SNAPC3: variants seen among roughly 807,000 people sequenced by gnomAD.
The protein encoded by SNAPC3 is small nuclear RNA activating complex polypeptide 3.
SNAPC3 carries 56 observed loss-of-function variants against 47.7 expected under a neutral mutation model. The ratio of observed to expected loss-of-function variants is 1.18; its 90% CI spans 0.95 to 1.47. The LOEUF (loss-of-function observed/expected upper bound fraction) is 1.47. Among genes scored for constraint, SNAPC3 ranks in the 40% most tolerant of loss-of-function variants. SNAPC3 has a pLI of 0.00. For synonymous variants in SNAPC3, 235 were observed against 189.9 expected, an observed-to-expected ratio of 1.24 and a Z score of -1.95; for missense variants, 665 against 511.3, an observed-to-expected ratio of 1.30 and a Z score of -2.90.
intron 2 of SNAPC3, among the ~76,000 whole-genome samples, chr9:15,426,296 T>A (rs1442111006): frequency 6.6e-6 from 1 of 152,174 alleles, no homozygotes; most frequent in Non-Finnish European, 1.5e-5. Flanking sequence ...CTTGTTGACT[T>A]CTACTCATCC....
At chr9:15,456,934 T>A (rs2034842627) in intron 7 of SNAPC3, among the ~76,000 whole-genome samples, 2 of 152,228 alleles carry the variant, frequency 1.3e-5, no homozygotes, top group African/African-American at 4.8e-5. Context: ...GTGAAAGTTT[T>A]AATTTTAAAA....
chr9:15,456,108 A>G (rs2034772158), intron 7 of SNAPC3, among the ~76,000 whole-genome samples: 1 of 152,164 alleles, frequency 6.6e-6, no homozygotes, highest in South Asian at 2.1e-4. Context: ...TCCCGACCTC[A>G]GGTGATCCGC....
In SNAPC3 at chr9:15,447,097, C is replaced by T. The variant is rs184190195; in HGVS notation, c.585C>T (p.His195=). ...NILYPVIFHK[H]KEHKPYQTML... is the part of the protein sequence containing the mutation. ...CTTATTTATTCTTTGACTTTTAGCA[C>T]AAAGAACACAAACCATACCAAACAA... is the stretch of plus-strand genomic sequence containing the variant. Residue 195 remains histidine, a splice_region_variant and synonymous_variant, in exon 5 of 9, where the codon CAC becomes CAT. Transcript: ENST00000380821. The T allele has an allele frequency of 1.2e-6, 2 of 1,613,686 alleles. No homozygotes were observed. Among genetic ancestry groups the T allele is most frequent in the Non-Finnish European group, 1.7e-6 (2 of 1,179,688 alleles).
At chr9:15,430,273 A>G (rs1194908955) in intron 2 of SNAPC3, among the ~76,000 whole-genome samples, 3 of 152,178 alleles carry the variant, frequency 2.0e-5, no homozygotes, top group African/African-American at 4.8e-5. Flanking sequence ...TCTACAAAAA[A>G]TAAAAACAAT....
At chr9:15,447,070 CACTT>C (rs1563849681) in intron 4 of SNAPC3, 21 bp from the exon 5 acceptor site, 1 of 1,603,322 alleles carries the variant, frequency 6.2e-7, no homozygotes, top group Admixed American at 1.7e-5. Flanking sequence ...TCTAAATGAA[CACTT>C]ATTTATTCTT....
intron 6 of SNAPC3, 101 bp downstream of exon 6, chr9:15,451,503 C>T (rs62570991): frequency 0.043 from 21,226 of 498,590 alleles, 528 homozygotes; most frequent in South Asian, 0.065. Flanking sequence ...GGACCTTTGC[C>T]AAGGAATTAT....
In SNAPC3 at chr9:15,423,041, T is replaced by A. The variant is rs1177215826; in HGVS notation, c.162T>A (p.Arg54=). 5 of 1,518,878 alleles carry A rather than the reference T, an allele frequency of 3.3e-6. No homozygotes were observed. The allele number at this position is 1,518,878 out of a possible 1,614,324, so 94.1% of individuals were successfully genotyped here. Residue 54 remains arginine, a synonymous_variant, in exon 1 of 9, where the codon CGT becomes CGA. Coordinates refer to ENST00000380821, the MANE Select transcript of SNAPC3 (RefSeq NM_001039697.2). ...CCTTTGGGGAGCTGTGGCGGGGCCGTCTGCGCGGGGCCGGGGACTTGTCGC... is the reference window on the plus strand; with the variant it reads ...CCTTTGGGGAGCTGTGGCGGGGCCGACTGCGCGGGGCCGGGGACTTGTCGC... The part of the protein sequence containing the change: ...VGAFGELWRG[R]LRGAGDLSLR...
chr9:15,424,544 CACAA>C (rs906198694), intron 2 of SNAPC3, among the ~76,000 whole-genome samples: 46 of 140,958 alleles, frequency 3.3e-4, no homozygotes, highest in African/African-American at 1.4e-3. Context: ...AAAAGACAAA[CACAA>C]TATAAGTTCA....
Position 15,460,104 on chromosome 9 carries a change from G to T in SNAPC3, c.*238G>T. The T allele has an allele frequency of 3.1e-6, 1 of 324,648 alleles. No homozygotes were observed. The highest frequency in any genetic ancestry group is 5.5e-6 in the Non-Finnish European group (1 of 180,998). 20.1% of individuals were successfully genotyped at this position (324,648 alleles called of 1,614,324 possible). A position where few individuals can be genotyped will look rare whatever the true frequency, so the allele number is the denominator to read the frequency against. On this transcript the variant is annotated 3_prime_UTR_variant, in exon 9 of 9. Coordinates refer to ENST00000380821, the MANE Select transcript of SNAPC3 (RefSeq NM_001039697.2). Reference sequence around the variant, plus strand: ...TAATTTAGTGCTTTTTACCCATTTTGAGTTGAGTTGTAGTACTTTATATAT... The same window carrying T: ...TAATTTAGTGCTTTTTACCCATTTTTAGTTGAGTTGTAGTACTTTATATAT...
chr9:15,440,241 A>G (rs772818644), intron 3 of SNAPC3, among the ~76,000 whole-genome samples: 41 of 152,234 alleles, frequency 2.7e-4, no homozygotes, highest in Non-Finnish European at 5.4e-4. Context: ...ACTGGCTTCT[A>G]TATTTACCTG....
downstream of SNAPC3, chr9:15,464,684 C>T (rs1587442149): frequency 1.5e-5 from 3 of 198,158 alleles, 1 homozygote; most frequent in Non-Finnish European, 2.1e-5. Flanking sequence ...TTTTTAACAA[C>T]ATTCCTCAAA....
At chr9:15,466,361 AGAGT>A (rs2035626127), downstream of SNAPC3, among the ~76,000 whole-genome samples, 1 of 152,114 alleles carries the variant, frequency 6.6e-6, no homozygotes, top group East Asian at 1.9e-4. Context: ...CTGAGCAACA[AGAGT>A]GAAACTCTGT....
rs745779619 is a variant in SNAPC3 at position 15,453,035 on chromosome 9, C to T, written c.816-6C>T. The T allele has an allele frequency of 1.2e-5, 19 of 1,604,842 alleles. No homozygotes were observed. Among genetic ancestry groups the T allele is most frequent in the Non-Finnish European group, 1.3e-5 (15 of 1,176,398 alleles). On this transcript the variant is annotated splice_region_variant and splice_polypyrimidine_tract_variant and intron_variant, in intron 6 of 8. Transcript: ENST00000380821. ...AATGATATATCCTTGCCTTTTCCCCCCTCAGAACTATCATTGAGTGGTCAG... is the reference window on the plus strand; with the variant it reads ...AATGATATATCCTTGCCTTTTCCCCTCTCAGAACTATCATTGAGTGGTCAG...
In SNAPC3 at chr9:15,447,078, T is replaced by G; in HGVS notation, c.583-17T>G. 1 of 1,611,590 alleles carries G rather than the reference T, an allele frequency of 6.2e-7. No homozygotes were observed. Among genetic ancestry groups the G allele is most frequent in the Non-Finnish European group, 8.5e-7 (1 of 1,177,704 alleles). On this transcript the variant is annotated splice_polypyrimidine_tract_variant and intron_variant, in intron 4 of 8. Transcript: ENST00000380821. The stretch of plus-strand genomic sequence containing the variant: ...CTTTGTCTCTAAATGAACACTTATT[T>G]ATTCTTTGACTTTTAGCACAAAGAA...
chr9:15,426,199 C>T (rs952321973), intron 2 of SNAPC3, among the ~76,000 whole-genome samples: 2 of 152,122 alleles, frequency 1.3e-5, no homozygotes, highest in Admixed American at 6.5e-5. Flanking sequence ...AGTGTTCCAG[C>T]CACACTGCAC....
intron 2 of SNAPC3, among the ~76,000 whole-genome samples, chr9:15,430,920 A>C (rs1411152714): frequency 3.9e-5 from 6 of 152,262 alleles, no homozygotes; most frequent in Admixed American, 3.3e-4. Context: ...ATTGGCTCTC[A>C]TCTTCAAATT....
intron 2 of SNAPC3, 77 bp downstream of exon 2, chr9:15,424,063 A>T (rs372357451): frequency 2.4e-5 from 19 of 803,354 alleles, no homozygotes; most frequent in Non-Finnish European, 3.6e-5. Flanking sequence ...TTGAAAGTGC[A>T]GTATTGATTG....
intron 3 of SNAPC3, among the ~76,000 whole-genome samples, chr9:15,435,169 T>C (rs1234955769): frequency 6.6e-6 from 1 of 152,236 alleles, no homozygotes; most frequent in Non-Finnish European, 1.5e-5. Context: ...TAACTAGTGA[T>C]GCTGAACATC....
intron 3 of SNAPC3, among the ~76,000 whole-genome samples, chr9:15,435,701 C>T (rs913670753): frequency 2.0e-5 from 3 of 150,568 alleles, no homozygotes; most frequent in African/African-American, 4.9e-5. Context: ...TGCATTCCAG[C>T]CTGGGCAACA....
Sources: allele counts gnomAD v4.1 joint callset (sites outside exome capture counted in the v4.1 genomes callset), GRCh38; gene constraint gnomAD v4.1.1; transcripts MANE v1.5; gene names NCBI Gene and HGNC (gene_info 2026-07-23, HGNC 2026-07-21).